SYNE3: variants seen among roughly 807,000 people sequenced by gnomAD.
SYNE3 encodes spectrin repeat containing nuclear envelope family member 3.
A neutral mutation model predicts 111.2 loss-of-function variants in SYNE3; 100 were observed. The ratio of observed to expected loss-of-function variants is 0.90; its 90% CI spans 0.77 to 1.06. SYNE3 has a LOEUF of 1.06. SYNE3 is among the 50% of genes least tolerant of loss of function. The probability of loss-of-function intolerance (pLI) is 0.00; values close to 1 mark genes in which losing one functional copy is unlikely to be tolerated. For missense variants in SYNE3, 1,160 were observed against 1,240.3 expected (o/e 0.94, Z 0.97); for synonymous variants, 547 against 533.9 (o/e 1.02, Z -0.34).
chr14:95,478,075 G>C (rs1437672833), intron 1 of SYNE3, among the ~76,000 whole-genome samples: 1 of 152,124 alleles, frequency 6.6e-6, no homozygotes, highest in South Asian at 2.1e-4. Flanking sequence ...TTGGTGTCTG[G>C]AGGGTATAGC....
Position 95,453,683 on chromosome 14 carries a change from C to T in SYNE3, c.1138-1300G>A, listed in dbSNP as rs192356101. 1.1e-4 allele frequency among the ~76,000 whole-genome samples: 17 copies of T among 152,302 alleles called. No homozygotes were observed. In the East Asian group the frequency reaches 3.3e-3, roughly 29 times the overall value. On this transcript the variant is annotated intron_variant, in intron 6 of 17. Transcript: ENST00000682763. ...CACATCAGTGGTCAGGAAAGCTGGC[C>T]GGCCTGCAGGAATTCAGCAGGAAGG...
intron 2 of SYNE3, among the ~76,000 whole-genome samples, chr14:95,469,614 T>C (rs375016258): frequency 4.6e-5 from 7 of 151,652 alleles, no homozygotes; most frequent in African/African-American, 1.2e-4. Context: ...GGGAGGCTGA[T>C]GTGGGAGGAT....
At position 95,455,430 on chromosome 14, in the gene SYNE3, C is replaced by G; in HGVS notation, c.1084G>C (p.Ala362Pro). 6.3e-7 allele frequency: 1 copy of G among 1,577,748 alleles called. No individual in the cohort carries two copies. Among genetic ancestry groups the G allele is most frequent in the South Asian group, 1.1e-5 (1 of 87,366 alleles). The change falls in exon 6 of 18, where the codon GCG (alanine) becomes CCG (proline). Residue 362 changes from alanine to proline, a missense_variant. Transcript: ENST00000682763. ...QRLAQEGLQP[A>P]AKAGTEDELV... ...TCGTCCTCGGTCCCCGCTTTCGCCG[C>G]AGGCTGCAGGCCCTCCTGGGCCAGC...
At chr14:95,480,095 C>A (rs1291601820) in intron 1 of SYNE3, among the ~76,000 whole-genome samples, 1 of 152,170 alleles carries the variant, frequency 6.6e-6, no homozygotes, top group Non-Finnish European at 1.5e-5. Flanking sequence ...TGTGCAGTTT[C>A]CAAACAGTAT....
In SYNE3 at chr14:95,416,911, G is replaced by C. The variant is rs1249722863; in HGVS notation, c.*915C>G. The C allele has an allele frequency of 6.6e-6, 1 of 152,262 alleles. No homozygotes were observed. Among genetic ancestry groups the C allele is most frequent in the African/African-American group, 2.4e-5 (1 of 41,444 alleles). The allele number at this position is 152,262 out of a possible 1,614,324, so 9.4% of individuals were successfully genotyped here. The stretch of plus-strand genomic sequence containing the variant: ...CATCTTTCCTGGGCACTGCCAGTGG[G>C]TGCTGCCCACCGAGTGTGCCTCACC... On this transcript the variant is annotated 3_prime_UTR_variant, in exon 18 of 18. Transcript: ENST00000682763.
intron 2 of SYNE3, among the ~76,000 whole-genome samples, chr14:95,469,030 G>T (rs532195417): frequency 2.0e-5 from 3 of 152,182 alleles, no homozygotes; most frequent in Non-Finnish European, 4.4e-5. Flanking sequence ...TGTAGGGAGA[G>T]CCATGAGCAC....
intron 17 of SYNE3, among the ~76,000 whole-genome samples, chr14:95,421,893 G>C (rs554852549): frequency 6.6e-6 from 1 of 152,296 alleles, no homozygotes; most frequent in East Asian, 1.9e-4. Flanking sequence ...CACTCCACCT[G>C]GTTAGCGCTG....
Position 95,452,325 on chromosome 14 carries a change from A to G in SYNE3, c.1196T>C (p.Leu399Pro). 1 of 1,613,960 alleles carries G rather than the reference A, an allele frequency of 6.2e-7. No homozygotes were observed. The highest frequency in any genetic ancestry group is 8.5e-7 in the Non-Finnish European group (1 of 1,179,952). The change falls in exon 7 of 18, where the codon CTG (leucine) becomes CCG (proline). Residue 399 changes from leucine (L) to proline (P), a missense_variant. Leu to Pro is a moderately conservative substitution (Grantham distance 98). Coordinates refer to ENST00000682763, the MANE Select transcript of SYNE3 (RefSeq NM_152592.6). ...EPRVDRLQAQ[L>P]KELIVFPHNL... is the part of the protein sequence containing the mutation. ...GTGAGGGAAGACGATGAGCTCCTTC[A>G]GCTGGGCTTGCAGCCGGTCCACCCG...
intron 1 of SYNE3, among the ~76,000 whole-genome samples, chr14:95,480,791 A>G (rs1196974097): frequency 2.0e-5 from 3 of 152,104 alleles, no homozygotes; most frequent in African/African-American, 7.2e-5. Flanking sequence ...ATGGAAGAGA[A>G]GGTGCTAACA....
rs1885906346 is a variant in SYNE3 at position 95,433,411 on chromosome 14, TG to T, written c.2539-3del. 6 of 1,613,840 alleles carry T rather than the reference TG, an allele frequency of 3.7e-6. No individual in the cohort carries two copies. Among genetic ancestry groups the T allele is most frequent in the Middle Eastern group, 1.7e-4 (1 of 6,060 alleles). On this transcript the variant is annotated splice_region_variant and splice_polypyrimidine_tract_variant and intron_variant, in intron 15 of 17. Coordinates refer to ENST00000682763, the MANE Select transcript of SYNE3 (RefSeq NM_152592.6). ...TTCTGGCACCCGAGCCTCCAGCTCC[TG>T]GGGGAAACAGCAGCGTCATGGTGCG...
rs1335352974 is a variant in SYNE3 at position 95,439,033 on chromosome 14, G to C, written c.2376C>G (p.Arg792=). The C allele has an allele frequency of 1.2e-6, 2 of 1,613,926 alleles. No homozygotes were observed. Among genetic ancestry groups the C allele is most frequent in the Admixed American group, 3.3e-5 (2 of 60,016 alleles). The change falls in exon 14 of 18, where the codon CGC becomes CGG. Residue 792 remains arginine, a splice_region_variant and synonymous_variant. Coordinates refer to ENST00000682763, the MANE Select transcript of SYNE3 (RefSeq NM_152592.6). ...PMDPIPRHRR[R]ANLLQEEEGS... ...CCACAGCCCTGCTAGACAGACTCAC[G>C]CGTCGACGATGCCTGGGAATAGGAT...
intron 8 of SYNE3, 109 bp from the exon 9 acceptor site, chr14:95,446,200 G>C: frequency 7.6e-7 from 1 of 1,320,588 alleles, no homozygotes; most frequent in Non-Finnish European, 1.0e-6. Flanking sequence ...GCTCACCTTT[G>C]TGCAGGTGTC....
At chr14:95,463,270 G>A (rs1887953887) in intron 4 of SYNE3, among the ~76,000 whole-genome samples, 1 of 152,206 alleles carries the variant, frequency 6.6e-6, no homozygotes, top group Non-Finnish European at 1.5e-5. Flanking sequence ...TCACTGATAA[G>A]AGCTGTGATG....
intron 13 of SYNE3, 107 bp downstream of exon 13, chr14:95,439,505 C>T: frequency 6.8e-7 from 1 of 1,466,664 alleles, no homozygotes; most frequent in South Asian, 1.2e-5. Flanking sequence ...GCCCCTGGCT[C>T]CACACTGGGC....
chr14:95,413,230 C>T lies in SYNE3; in HGVS notation c.*4596G>A, dbSNP rs897621855. On this transcript the variant is annotated 3_prime_UTR_variant, in exon 18 of 18. Coordinates refer to ENST00000682763, the MANE Select transcript of SYNE3 (RefSeq NM_152592.6). ...CTCTTTTGCTCTCACTCTCTCCTCT[C>T]ACCCTCAAATTGTGGTAAAATAAAC... 7.2e-6 allele frequency: 1 copy of T among 138,884 alleles called. No homozygotes were observed. Among genetic ancestry groups the T allele is most frequent in the Non-Finnish European group, 1.5e-5 (1 of 65,602 alleles). 8.6% of individuals were successfully genotyped at this position (138,884 alleles called of 1,614,324 possible). A position where few individuals can be genotyped will look rare whatever the true frequency, so the allele number is the denominator to read the frequency against.
At chr14:95,457,882 T>A (rs1440772161) in intron 4 of SYNE3, among the ~76,000 whole-genome samples, 2 of 152,106 alleles carry the variant, frequency 1.3e-5, no homozygotes, top group Admixed American at 6.5e-5. Context: ...CAATCCGAGC[T>A]GGGTTGAATG....
chr14:95,431,920 C>T (rs1885789145), intron 17 of SYNE3, among the ~76,000 whole-genome samples, 159 bp downstream of exon 17: 1 of 152,214 alleles, frequency 6.6e-6, no homozygotes, highest in South Asian at 2.1e-4. Context: ...AATCCTGGGG[C>T]CCAGCACAGC....
chr14:95,482,676 CACAA>C (rs1366185043), intron 1 of SYNE3, among the ~76,000 whole-genome samples: 7 of 152,230 alleles, frequency 4.6e-5, no homozygotes, highest in South Asian at 2.1e-4. Context: ...GACTCGGAGA[CACAA>C]ACAGTCTGCT....
chr14:95,433,459 C>A, intron 15 of SYNE3, 50 bp from the exon 16 acceptor site: 4 of 1,604,782 alleles, frequency 2.5e-6, no homozygotes, highest in Non-Finnish European at 3.4e-6. Context: ...GCCCAGACAG[C>A]CCCACCTGAA....
Sources: allele counts gnomAD v4.1 joint callset (sites outside exome capture counted in the v4.1 genomes callset), GRCh38; gene constraint gnomAD v4.1.1; transcripts MANE v1.5; gene names NCBI Gene and HGNC (gene_info 2026-07-23, HGNC 2026-07-21).